The following OSTM1 variants were observed in gnomAD, a reference collection of about 807,000 sequenced individuals.
OSTM1 encodes the protein osteopetrosis-associated transmembrane protein 1.
Under a neutral mutation model 35.4 loss-of-function variants are expected in OSTM1, and 26 were observed. The observed-to-expected ratio is 0.73, with a 90% CI of 0.54 to 1.02. The LOEUF is 1.02. Ranked by LOEUF, OSTM1 falls within the 50% of genes least tolerant of loss-of-function variation. The probability of loss-of-function intolerance (pLI) is 0.00; values close to 1 mark genes in which losing one functional copy is unlikely to be tolerated. For synonymous variants in OSTM1, 181 were observed against 165.0 expected, an observed-to-expected ratio of 1.10 and a Z score of -0.75; for missense variants, 366 against 409.6, an observed-to-expected ratio of 0.89 and a Z score of 0.92.
chr6:108,059,671 A>C (rs1772238356), intron 2 of OSTM1, among the ~76,000 whole-genome samples: 1 of 152,156 alleles, frequency 6.6e-6, no homozygotes, highest in Non-Finnish European at 1.5e-5. Context: ...ATTTTACAAA[A>C]ATTCTAATAG....
intron 1 of OSTM1, among the ~76,000 whole-genome samples, chr6:108,064,840 G>C (rs1441859457): frequency 1.3e-5 from 2 of 152,146 alleles, no homozygotes; most frequent in Non-Finnish European, 2.9e-5. Context: ...ACAGTGTGAT[G>C]AATAATAAAA....
intron 2 of OSTM1, among the ~76,000 whole-genome samples, chr6:108,056,313 GGTAA>G (rs1028136137): frequency 9.9e-5 from 15 of 152,276 alleles, no homozygotes; most frequent in African/African-American, 3.4e-4. Context: ...ACATAAAACT[GGTAA>G]GTAAAAAGCT....
chr6:108,072,895 C>A (rs1772511186), intron 1 of OSTM1, among the ~76,000 whole-genome samples: 1 of 152,098 alleles, frequency 6.6e-6, no homozygotes. Flanking sequence ...GTAGCTGGAA[C>A]TACAGACGTG....
Position 108,074,581 on chromosome 6 carries a change from A to T in OSTM1, c.71T>A (p.Leu24Gln), listed in dbSNP as rs774483378. The change falls in exon 1 of 6, where the codon CTG becomes CAG. Residue 24 changes from leucine (L) to glutamine (Q), a missense_variant. Around this residue, in one of 3 missense-constraint regions of OSTM1, gnomAD observed 236 missense variants for 239.3 expected, o/e 0.99. Transcript: ENST00000193322. ...CGCGCCCAGGGCCAGCCCCGACCAC[A>T]GCAGCAGCCCCAGCGGCAGCCACGG... ...LPPWLPLGLL[L>Q]WSGLALGALP... 2.6e-6 allele frequency: 4 copies of T among 1,565,902 alleles called. No individual in the cohort carries two copies. The East Asian group carries it at 9.4e-5, about 37-fold the overall frequency.
intron 2 of OSTM1, among the ~76,000 whole-genome samples, chr6:108,058,244 A>G (rs1378638970): frequency 6.6e-6 from 1 of 152,062 alleles, no homozygotes; most frequent in Non-Finnish European, 1.5e-5. Flanking sequence ...ATCTTTAAAT[A>G]AAGCATTTGG....
intron 3 of OSTM1, among the ~76,000 whole-genome samples, chr6:108,053,859 A>T (rs1772125370): frequency 6.6e-6 from 1 of 152,198 alleles, no homozygotes; most frequent in Non-Finnish European, 1.5e-5. Flanking sequence ...GCATGTGTAC[A>T]TCTACTATGG....
rs140447571 is a variant in OSTM1, at chr6:108,058,916, T to A, written c.518-4329A>T. ...TTCCTCTGATGAATCAGAATATACATCGGGATTACACAGTGGTTCAACAGC... is the reference window on the plus strand; with the variant it reads ...TTCCTCTGATGAATCAGAATATACAACGGGATTACACAGTGGTTCAACAGC... On this transcript the variant is annotated intron_variant, in intron 2 of 5. Coordinates refer to ENST00000193322, the MANE Select transcript of OSTM1 (RefSeq NM_014028.4). Among the ~76,000 whole-genome samples, 8 of 152,324 alleles carry A rather than the reference T, an allele frequency of 5.3e-5. No individual in the cohort carries two copies. In the East Asian group the frequency reaches 1.3e-3, roughly 26 times the overall value.
intron 1 of OSTM1, chr6:108,073,806 G>A (rs1772529954): frequency 5.5e-6 from 1 of 181,778 alleles, no homozygotes; most frequent in Non-Finnish European, 1.2e-5. Flanking sequence ...GTTCTGAGAA[G>A]ATAATTAATC....
At chr6:108,056,396 T>G (rs1772170343) in intron 2 of OSTM1, among the ~76,000 whole-genome samples, 1 of 152,208 alleles carries the variant, frequency 6.6e-6, no homozygotes, top group Non-Finnish European at 1.5e-5. Flanking sequence ...TATTTATATC[T>G]ACATTCTAAA....
intron 2 of OSTM1, among the ~76,000 whole-genome samples, chr6:108,057,689 G>C (rs896452310): frequency 7.2e-5 from 11 of 152,060 alleles, no homozygotes; most frequent in African/African-American, 2.7e-4. Context: ...CTTTTTCAAT[G>C]ATCATTAGAT....
At chr6:108,051,772 G>C (rs2114593854) in intron 3 of OSTM1, among the ~76,000 whole-genome samples, 1 of 152,254 alleles carries the variant, frequency 6.6e-6, no homozygotes, top group African/African-American at 2.4e-5. Flanking sequence ...AACAAAAAGG[G>C]CCAAATACCA....
chr6:108,054,486 A>G lies in OSTM1; in HGVS notation c.615+4T>C. The G allele has an allele frequency of 7.5e-7, 1 of 1,327,022 alleles. No individual in the cohort carries two copies. Among genetic ancestry groups the G allele is most frequent in the Non-Finnish European group, 1.1e-6 (1 of 926,330 alleles). The allele number at this position is 1,327,022 out of a possible 1,614,324, so 82.2% of individuals were successfully genotyped here. ...TTTAATTTTAAATATTATATATAAA[A>G]TACCTGAAGGTTATGTTCAAAGCAG... On this transcript the variant is annotated splice_donor_region_variant and intron_variant, in intron 3 of 5. Coordinates refer to ENST00000193322, the MANE Select transcript of OSTM1 (RefSeq NM_014028.4).
chr6:108,065,114 C>T (rs944654468), intron 1 of OSTM1, among the ~76,000 whole-genome samples: 7 of 152,208 alleles, frequency 4.6e-5, no homozygotes, highest in Admixed American at 1.3e-4. Flanking sequence ...CCACCTCGGC[C>T]TCCCAAAGTG....
chr6:108,073,429 CT>C (rs955427485), intron 1 of OSTM1, among the ~76,000 whole-genome samples: 4 of 152,144 alleles, frequency 2.6e-5, no homozygotes, highest in African/African-American at 9.7e-5. Flanking sequence ...GTCTGTTTTT[CT>C]TTTTAAAATT....
intron 1 of OSTM1, among the ~76,000 whole-genome samples, chr6:108,067,902 T>C: frequency 6.6e-6 from 1 of 151,078 alleles, no homozygotes; most frequent in African/African-American, 2.4e-5. Flanking sequence ...TGCTCTTTAG[T>C]GACTTCTCTT....
At chr6:108,063,773 G>A (rs1049109151) in intron 2 of OSTM1, among the ~76,000 whole-genome samples, 1 of 152,130 alleles carries the variant, frequency 6.6e-6, no homozygotes, top group Non-Finnish European at 1.5e-5. Context: ...CTAAATACGT[G>A]TCAGGCATTG....
intron 1 of OSTM1, among the ~76,000 whole-genome samples, chr6:108,070,913 G>C (rs1257095865): frequency 6.6e-6 from 1 of 150,742 alleles, no homozygotes; most frequent in Non-Finnish European, 1.5e-5. Context: ...AAAGGGCTGG[G>C]TGTGGTGGCT....
chr6:108,054,557 G>C lies in OSTM1; in HGVS notation c.548C>G (p.Ser183Ter), dbSNP rs1772137587. The C allele has an allele frequency of 6.4e-7, 1 of 1,570,662 alleles. No homozygotes were observed. Among genetic ancestry groups the C allele is most frequent in the Non-Finnish European group, 8.7e-7 (1 of 1,143,000 alleles). The change falls in exon 3 of 6, where the codon TCA (serine) becomes TGA (stop). Residue 183 changes from serine (S) to a stop codon, truncating the protein, a stop_gained. Transcript: ENST00000193322. LOFTEE classifies it high-confidence loss of function. Reference protein sequence around the residue: ...NCLTNNSEELSNSTVYFLNLF... With the variant: ...NCLTNNSEEL ...ATTAAGGAAATATACTGTGCTGTTT[G>C]ATAATTCTTCACTGTTGTTTGTTAA... is the stretch of plus-strand genomic sequence containing the variant.
chr6:108,064,128 T>C (rs908427504), intron 2 of OSTM1, 57 bp downstream of exon 2: 4 of 878,070 alleles, frequency 4.6e-6, no homozygotes, highest in Non-Finnish European at 7.7e-6. Context: ...TAAAATAAAA[T>C]CTGACATCTG....
Sources: gnomAD v4.1 joint callset for allele counts (sites outside exome capture counted in the v4.1 genomes callset) on GRCh38, gnomAD v4.1.1 for gene constraint, gnomAD v4.1.1 regional missense constraint, MANE v1.5 for transcripts, NCBI Gene and HGNC (gene_info 2026-07-23, HGNC 2026-07-21) for gene names.